The following TENT2 variants were observed in gnomAD, a reference collection of about 807,000 sequenced individuals.
The protein encoded by TENT2 is poly(A) RNA polymerase GLD2.
In TENT2, 44 loss-of-function variants were observed where a neutral mutation model predicts 72.2. That is an observed-to-expected ratio of 0.61 (90% CI 0.48 to 0.78). The LOEUF (loss-of-function observed/expected upper bound fraction) is 0.78. TENT2 is among the 30% of genes least tolerant of loss of function. The probability of loss-of-function intolerance (pLI) is 0.00; values close to 1 mark genes in which losing one functional copy is unlikely to be tolerated. For synonymous variants in TENT2, 212 were observed against 192.5 expected (o/e 1.10, Z -0.84); for missense variants, 541 against 569.6 (o/e 0.95, Z 0.51).
chr5:79,623,416 G>C lies in TENT2; in HGVS notation c.392G>C (p.Arg131Thr). 3.1e-6 allele frequency: 5 copies of C among 1,612,540 alleles called. No homozygotes were observed. Among genetic ancestry groups the C allele is most frequent in the Non-Finnish European group, 4.2e-6 (5 of 1,179,284 alleles). The change falls in exon 4 of 15, where the codon AGA becomes ACA. Residue 131 changes from arginine to threonine, a missense_variant. Coordinates refer to ENST00000453514, the MANE Select transcript of TENT2 (RefSeq NM_001114394.3). ...ACACATTATGTACCAGATATAGTCA[G>C]ATGTGTTCCACCTTTTCGAGAAATT... Reference protein sequence around the residue: ...FHTHYVPDIVRCVPPFREIAF... With the variant: ...FHTHYVPDIVTCVPPFREIAF...
intron 1 of TENT2, among the ~76,000 whole-genome samples, chr5:79,618,883 T>C (rs575211622): frequency 6.6e-6 from 1 of 152,314 alleles, no homozygotes; most frequent in East Asian, 1.9e-4. Context: ...GTTTTCTAAT[T>C]GCTTGCTTTG....
chr5:79,615,190 G>T (rs976825164), intron 1 of TENT2: 7 of 152,128 alleles, frequency 4.6e-5, no homozygotes, highest in Admixed American at 3.9e-4. Context: ...GGGATAATTT[G>T]GTCATTAACT....
At chr5:79,682,893 G>T (rs1475937769) in intron 14 of TENT2, among the ~76,000 whole-genome samples, 2 of 152,130 alleles carry the variant, frequency 1.3e-5, no homozygotes, top group Non-Finnish European at 2.9e-5. Flanking sequence ...TTGTAGAAAT[G>T]CCTTGATATA....
At chr5:79,650,939 G>T (rs531874219) in intron 10 of TENT2, among the ~76,000 whole-genome samples, 1 of 152,032 alleles carries the variant, frequency 6.6e-6, no homozygotes. Flanking sequence ...GAGATTGGTT[G>T]TCAGGAATTC....
intron 12 of TENT2, among the ~76,000 whole-genome samples, chr5:79,671,959 C>T (rs1280944698): frequency 1.3e-5 from 2 of 151,884 alleles, no homozygotes; most frequent in East Asian, 1.9e-4. Context: ...AAAAATTAGC[C>T]AGGTGTGGTG....
chr5:79,660,369 A>G (rs533426475), intron 11 of TENT2, among the ~76,000 whole-genome samples: 204 of 152,288 alleles, frequency 1.3e-3, no homozygotes, highest in African/African-American at 4.7e-3. Context: ...TTTTAATGCA[A>G]GCATATTACT....
chr5:79,645,606 G>A (rs1788210855), intron 8 of TENT2, among the ~76,000 whole-genome samples: 1 of 151,992 alleles, frequency 6.6e-6, no homozygotes, highest in Admixed American at 6.6e-5. Flanking sequence ...ATAATACCTA[G>A]AGTAATAGAT....
chr5:79,686,967 A>T lies in TENT2; in HGVS notation c.*1694A>T, dbSNP rs1300553905. 6.6e-6 allele frequency among the ~76,000 whole-genome samples: 1 copy of T among 152,180 alleles called. No individual in the cohort carries two copies. The highest frequency in any genetic ancestry group is 1.5e-5 in the Non-Finnish European group (1 of 68,022). On this transcript the variant is annotated 3_prime_UTR_variant, in exon 15 of 15. Coordinates refer to ENST00000453514, the MANE Select transcript of TENT2 (RefSeq NM_001114394.3). ...TGGGTAATCATTATAAGCATTAGTC[A>T]TAGTACTATTCAGTAATACTGTGCA...
chr5:79,627,531 G>A (rs1207435780), intron 4 of TENT2, among the ~76,000 whole-genome samples: 1 of 152,064 alleles, frequency 6.6e-6, no homozygotes. Flanking sequence ...TGTTGCCCAG[G>A]CTCAAGTGTA....
At chr5:79,678,600 C>CTGA (rs1819177092) in intron 12 of TENT2, among the ~76,000 whole-genome samples, 1 of 152,088 alleles carries the variant, frequency 6.6e-6, no homozygotes, top group Non-Finnish European at 1.5e-5. Context: ...GACAGGCCTG[C>CTGA]TGATGAGATT....
intron 4 of TENT2, among the ~76,000 whole-genome samples, chr5:79,633,891 C>T (rs10213978): frequency 6.6e-6 from 1 of 150,614 alleles, no homozygotes; most frequent in Non-Finnish European, 1.5e-5. Context: ...CAGTGGCTCA[C>T]GCCTGTAATC....
intron 1 of TENT2, among the ~76,000 whole-genome samples, chr5:79,619,039 A>G (rs1762686967): frequency 1.3e-5 from 2 of 152,148 alleles, no homozygotes; most frequent in South Asian, 2.1e-4. Flanking sequence ...TCCTCCCTGG[A>G]TCAGTGAAGG....
intron 11 of TENT2, among the ~76,000 whole-genome samples, chr5:79,657,497 G>A (rs989532719): frequency 6.6e-6 from 1 of 151,998 alleles, no homozygotes; most frequent in African/African-American, 2.4e-5. Flanking sequence ...CATGGTTCTT[G>A]TCTGCATAAT....
intron 11 of TENT2, among the ~76,000 whole-genome samples, chr5:79,663,799 T>C (rs1804971310): frequency 6.6e-6 from 1 of 152,156 alleles, no homozygotes; most frequent in Non-Finnish European, 1.5e-5. Context: ...AAAATGGCAC[T>C]GCTGATAGAC....
rs907537124 is a variant in TENT2 at position 79,654,230 on chromosome 5, G to A, written c.1028-2728G>A. 3.3e-5 allele frequency among the ~76,000 whole-genome samples: 5 copies of A among 152,106 alleles called. No individual in the cohort carries two copies. The South Asian group carries it at 6.2e-4, about 19-fold the overall frequency. The stretch of plus-strand genomic sequence containing the variant: ...GTGGATCACTTGAGGTCAGGAATTC[G>A]AGACTAGCCTGACCAACATGGTGAA... On this transcript the variant is annotated intron_variant, in intron 10 of 14. Transcript: ENST00000453514.
intron 3 of TENT2, among the ~76,000 whole-genome samples, chr5:79,620,414 C>T (rs901548385): frequency 1.3e-5 from 2 of 152,120 alleles, no homozygotes; most frequent in African/African-American, 4.8e-5. Flanking sequence ...AATGAGATGG[C>T]CTGTATTCAT....
rs768037314 is a variant in TENT2 at position 79,642,865 on chromosome 5, C to T, written c.706C>T (p.Arg236Trp). 72 of 1,611,362 alleles carry T rather than the reference C, an allele frequency of 4.5e-5. No homozygotes were observed. Among genetic ancestry groups the T allele is most frequent in the South Asian group, 1.5e-4 (14 of 90,912 alleles). The change falls in exon 7 of 15, where the codon CGG (arginine) becomes TGG (tryptophan). Residue 236 changes from arginine (R) to tryptophan (W), a missense_variant. Arg to Trp is a moderately radical substitution (Grantham distance 101). Transcript: ENST00000453514. ...FFQVNQKTEARHILTLVHKHF... is the reference protein window; with the variant it reads ...FFQVNQKTEAWHILTLVHKHF... ...TCAGGTAAATCAGAAGACTGAAGCA[C>T]GGCATATACTCACCTTAGTCCATAA...
In TENT2 at chr5:79,623,395, A is replaced by G. The variant is rs779305222; in HGVS notation, c.371A>G (p.His124Arg). 1.9e-5 allele frequency: 31 copies of G among 1,613,392 alleles called. 1 individual carries two copies. The highest frequency in any genetic ancestry group is 3.3e-5 in the Admixed American group (2 of 59,930). ...TCAATGCCACCATTGTTTCATACAC[A>G]TTATGTACCAGATATAGTCAGATGT... ...RYSMPPLFHT[H>R]YVPDIVRCVP... The change falls in exon 4 of 15, where the codon CAT (histidine) becomes CGT (arginine). Residue 124 changes from histidine to arginine, a missense_variant. His to Arg is a conservative substitution (Grantham distance 29, BLOSUM62 0). Transcript: ENST00000453514.
intron 12 of TENT2, 22 bp downstream of exon 12, chr5:79,669,050 G>A (rs754306689): frequency 1.2e-6 from 2 of 1,604,332 alleles, no homozygotes; most frequent in Non-Finnish European, 1.7e-6. Context: ...TTTAAATTGT[G>A]TTTGTTCACT....
Sources: allele counts gnomAD v4.1 joint callset (sites outside exome capture counted in the v4.1 genomes callset), GRCh38; gene constraint gnomAD v4.1.1; transcripts MANE v1.5; gene names NCBI Gene and HGNC (gene_info 2026-07-23, HGNC 2026-07-21).